Variants in KIF9 observed in about 807,000 individuals in gnomAD.
KIF9 encodes kinesin-like protein KIF9.
KIF9 carries 68 observed loss-of-function variants against 94.8 expected under a neutral mutation model. The ratio of observed to expected loss-of-function variants is 0.72; its 90% confidence interval spans 0.59 to 0.88. The LOEUF (loss-of-function observed/expected upper bound fraction) is 0.88. Among genes scored for constraint, KIF9 ranks in the 40% least tolerant of loss-of-function variants. The probability of loss-of-function intolerance (pLI) is 0.00; values close to 1 mark genes in which losing one functional copy is unlikely to be tolerated. For missense variants in KIF9, 882 were observed against 982.5 expected (o/e 0.90, Z 1.37); for synonymous variants, 343 against 362.1 (o/e 0.95, Z 0.60).
chr3:47,255,812 C>A (rs1016688822), intron 10 of KIF9, among the ~76,000 whole-genome samples: 1 of 152,114 alleles, frequency 6.6e-6, no homozygotes, highest in Non-Finnish European at 1.5e-5. Flanking sequence ...GATGCCGAGC[C>A]GAAGCTGGAC....
chr3:47,265,659 CA>C (rs1223668398), intron 8 of KIF9, 70 bp downstream of exon 8: 62 of 1,517,268 alleles, frequency 4.1e-5, no homozygotes, highest in Non-Finnish European at 5.3e-5. Context: ...TCACCAGTGG[CA>C]GATGTGCCAA....
rs751694262 is a variant in KIF9 at position 47,236,512 on chromosome 3, G to A, written c.2032C>T (p.Arg678Cys). ...TACTGGATCTCAGCCCTGAGGTCAC[G>A]CAGGTCCTGGTACTCGCTGCGGTAC... Reference protein sequence around the residue: ...KQYRSEYQDLRDLRAEIQYCQ... With the variant: ...KQYRSEYQDLCDLRAEIQYCQ... The change falls in exon 18 of 21, where the codon CGT (arginine) becomes TGT (cysteine). Residue 678 changes from arginine (R) to cysteine (C), a missense_variant. Arg to Cys is a radical substitution (Grantham distance 180). Transcript: ENST00000684063. 1.1e-5 allele frequency: 17 copies of A among 1,613,888 alleles called. No individual in the cohort carries two copies. Among genetic ancestry groups the A allele is most frequent in the Non-Finnish European group, 1.4e-5 (16 of 1,180,002 alleles).
chr3:47,258,159 A>G (rs968923555), intron 9 of KIF9, among the ~76,000 whole-genome samples: 6 of 152,272 alleles, frequency 3.9e-5, no homozygotes, highest in African/African-American at 1.4e-4. Context: ...GCTAAAAAGA[A>G]GCAGGTAAAA....
Position 47,243,175 on chromosome 3 carries a change from T to G in KIF9, c.1585A>C (p.Lys529Gln). The G allele has an allele frequency of 6.2e-7, 1 of 1,613,836 alleles. No individual in the cohort carries two copies. Among genetic ancestry groups the G allele is most frequent in the Non-Finnish European group, 8.5e-7 (1 of 1,179,792 alleles). ...TTGGAGGATGGGACCAGCTGGGTCT[T>G]GGAGGTGGAAACGTAATCCAAGTCC... ...GKDLDYVSTSKTQLVPSSKDG... is the reference protein window; with the variant it reads ...GKDLDYVSTSQTQLVPSSKDG... Residue 529 changes from lysine to glutamine, a missense_variant, in exon 16 of 21, where the codon AAG (lysine) becomes CAG (glutamine). Lys to Gln is a moderately conservative substitution (Grantham distance 53). Transcript: ENST00000684063.
Position 47,275,399 on chromosome 3 carries a change from T to C in KIF9, c.185A>G (p.His62Arg), listed in dbSNP as rs772597001. 22 of 1,614,004 alleles carry C rather than the reference T, an allele frequency of 1.4e-5. No homozygotes were observed. The highest frequency in any genetic ancestry group is 7.7e-5 in the South Asian group (7 of 91,072). ...DWSFKLDGVL[H>R]DASQDLVYET... ...ATAAACCAAGTCCTGGGAGGCATCG[T>C]GAAGAACTCCATCCAACTTAAACGA... The change falls in exon 3 of 21, where the codon CAC (histidine) becomes CGC (arginine). Residue 62 changes from histidine to arginine, a missense_variant. By Grantham distance (29) the His-to-Arg change is conservative. Coordinates refer to ENST00000684063, the MANE Select transcript of KIF9 (RefSeq NM_182902.4).
chr3:47,267,872 CTTTTTTT>C (rs1210887622), intron 5 of KIF9, among the ~76,000 whole-genome samples: 1 of 125,774 alleles, frequency 8.0e-6, no homozygotes, highest in South Asian at 2.5e-4. Context: ...TTGTGTTCTC[CTTTTTTT>C]TTTTTTTTTT....
chr3:47,264,426 TA>T (rs1258402142), intron 8 of KIF9, 76 bp from the exon 9 acceptor site: 1 of 1,169,820 alleles, frequency 8.5e-7, no homozygotes, highest in African/African-American at 1.6e-5. Context: ...GGGTCTGTTA[TA>T]TACTGAATGC....
intron 1 of KIF9, among the ~76,000 whole-genome samples, chr3:47,281,750 G>A (rs1299367500): frequency 1.3e-5 from 2 of 152,202 alleles, no homozygotes; most frequent in Non-Finnish European, 1.5e-5. Flanking sequence ...TGGCCACCAG[G>A]AGACTTCTGT....
rs1699882497 is a variant in KIF9 at position 47,245,753 on chromosome 3, A to G, written c.1290-242T>C. On this transcript the variant is annotated intron_variant, in intron 13 of 20. Transcript: ENST00000684063. ...CCTTATGTCATGTGTGTCTGCTCCA[A>G]GATGACACTTGATAAGGACCGTAAG... The G allele has an allele frequency of 7.3e-6, 4 of 550,818 alleles. 1 individual carries two copies. In the South Asian group the frequency reaches 8.9e-5, roughly 12 times the overall value. The allele number at this position is 550,818 out of a possible 1,614,324, so 34.1% of individuals were successfully genotyped here.
intron 8 of KIF9, 80 bp from the exon 9 acceptor site, chr3:47,264,430 C>CCTG: frequency 1.8e-6 from 2 of 1,138,238 alleles, no homozygotes; most frequent in East Asian, 2.4e-5. Context: ...CTGTTATATA[C>CCTG]TGAATGCTTT....
intron 10 of KIF9, among the ~76,000 whole-genome samples, chr3:47,253,241 T>C (rs1180973387): frequency 6.6e-6 from 1 of 152,030 alleles, no homozygotes; most frequent in Non-Finnish European, 1.5e-5. Flanking sequence ...TTGCAACCAC[T>C]GCCCCTCAGG....
At chr3:47,257,616 G>GA (rs1311854775) in intron 9 of KIF9, 56 bp from the exon 10 acceptor site, 14 of 1,492,716 alleles carry the variant, frequency 9.4e-6, no homozygotes, top group Non-Finnish European at 1.3e-5. Context: ...GAGACCCCAA[G>GA]AGACCGGCCT....
chr3:47,242,907 T>A, intron 16 of KIF9, 144 bp downstream of exon 16: 1 of 634,380 alleles, frequency 1.6e-6, no homozygotes, highest in East Asian at 2.8e-5. Context: ...GCATAAGTCA[T>A]GTTTCTTCTT....
chr3:47,252,868 C>T (rs1005830633), intron 10 of KIF9, among the ~76,000 whole-genome samples: 7 of 151,662 alleles, frequency 4.6e-5, no homozygotes, highest in African/African-American at 1.7e-4. Flanking sequence ...CATAAATTAG[C>T]TGGGGGTGGT....
At chr3:47,267,862 T>C (rs1367900667) in intron 5 of KIF9, among the ~76,000 whole-genome samples, 1 of 150,924 alleles carries the variant, frequency 6.6e-6, no homozygotes, top group African/African-American at 2.4e-5. Flanking sequence ...TTTATTTATT[T>C]TGTGTTCTCC....
intron 1 of KIF9, chr3:47,282,153 G>A (rs1224291438): frequency 4.3e-5 from 42 of 978,380 alleles, no homozygotes; most frequent in Non-Finnish European, 5.0e-5. Flanking sequence ...TAACACGAAG[G>A]GCTCCGACTG....
chr3:47,250,036 G>A lies in KIF9; in HGVS notation c.1060-1950C>T, dbSNP rs1046726609. Among the ~76,000 whole-genome samples, 12 of 150,852 alleles carry A rather than the reference G, an allele frequency of 8.0e-5. No individual in the cohort carries two copies. The South Asian group carries it at 8.3e-4, about 10-fold the overall frequency. On this transcript the variant is annotated intron_variant, in intron 10 of 20. Coordinates refer to ENST00000684063, the MANE Select transcript of KIF9 (RefSeq NM_182902.4). ...TGCACTCCAGCCTGAGCAATAGAGC[G>A]AGTCACTGTCTCAAAAAAAAAAAAA... is the stretch of plus-strand genomic sequence containing the variant.
chr3:47,282,172 A>G, intron 1 of KIF9: 3 of 984,960 alleles, frequency 3.0e-6, no homozygotes, highest in Non-Finnish European at 3.6e-6. Context: ...TGGTGATCCC[A>G]AAGCCCCCTC....
intron 20 of KIF9, among the ~76,000 whole-genome samples, chr3:47,233,776 T>C (rs1375658598): frequency 1.3e-5 from 2 of 149,864 alleles, no homozygotes; most frequent in East Asian, 2.0e-4. Flanking sequence ...TGTTGCTAAG[T>C]AGAAAAAGCA....
Sources: gnomAD v4.1 joint callset for allele counts (sites outside exome capture counted in the v4.1 genomes callset) on GRCh38, gnomAD v4.1.1 for gene constraint, MANE v1.5 for transcripts, NCBI Gene and HGNC (gene_info 2026-07-23, HGNC 2026-07-21) for gene names.